The following C1QTNF5 variants were observed in gnomAD, a reference collection of about 807,000 sequenced individuals.
The protein encoded by C1QTNF5 is complement C1q tumor necrosis factor-related protein 5.
In C1QTNF5, 5 loss-of-function variants were observed where a neutral mutation model predicts 10.9. The observed-to-expected ratio is 0.46, with a 90% CI of 0.24 to 0.97. C1QTNF5 has a LOEUF of 0.97. C1QTNF5 is among the 50% of genes least tolerant of loss of function. The pLI is 0.19. For missense variants in C1QTNF5, 281 were observed against 339.4 expected (o/e 0.83, Z 1.35); for synonymous variants, 161 against 156.5 (o/e 1.03, Z -0.22).
rs1950471025 is a variant in C1QTNF5, at chr11:119,339,268, C to T, written c.*63G>A. 1.3e-6 allele frequency: 2 copies of T among 1,559,490 alleles called. No homozygotes were observed. The highest frequency in any genetic ancestry group is 1.7e-6 in the Non-Finnish European group (2 of 1,147,930). On this transcript the variant is annotated 3_prime_UTR_variant, in exon 3 of 3. Coordinates refer to ENST00000528368, the MANE Select transcript of C1QTNF5 (RefSeq NM_001278431.2). This position sits in a 1 kb window ranked among gnomAD's most constrained non-coding sequence, Gnocchi z 5.4. ...AGGGGGGCCAGCCCTCCTGGATGACCTGGTTGTCAGCCTCACACCCTCCTT... is the reference window on the plus strand; with the variant it reads ...AGGGGGGCCAGCCCTCCTGGATGACTTGGTTGTCAGCCTCACACCCTCCTT...
upstream of C1QTNF5, chr11:119,344,555 G>A (rs1950538915): frequency 2.5e-6 from 4 of 1,610,114 alleles, no homozygotes; most frequent in South Asian, 1.1e-5. Context: ...CCGGTTTGAG[G>A]CTGGACCAGA....
At chr11:119,342,910 G>A (rs139684307), upstream of C1QTNF5, 4 of 1,612,906 alleles carry the variant, frequency 2.5e-6, no homozygotes, top group African/African-American at 5.3e-5. Flanking sequence ...TGGCTGAGAA[G>A]CCTCCACTGC....
At chr11:119,342,801 G>T (rs1017825378), upstream of C1QTNF5, 1 of 1,612,968 alleles carries the variant, frequency 6.2e-7, no homozygotes, top group Non-Finnish European at 8.5e-7. Context: ...GTCCTGACCA[G>T]GGTCCAGAGC....
upstream of C1QTNF5, chr11:119,343,106 C>T: frequency 7.1e-7 from 1 of 1,418,154 alleles, no homozygotes; most frequent in Non-Finnish European, 9.6e-7. Context: ...CTGGATGATG[C>T]CAAAGGTGAT....
rs577529070 is a variant in C1QTNF5 at position 119,340,504 on chromosome 11, C to G, written c.-43-64G>C. On this transcript the variant is annotated intron_variant, in intron 1 of 2. Coordinates refer to ENST00000528368, the MANE Select transcript of C1QTNF5 (RefSeq NM_001278431.2). ...CTGGGACCTGCCTCTCTCCCCACCCCGGCGCGGCCCAGTCGGTCCCCACCC... is the reference window on the plus strand; with the variant it reads ...CTGGGACCTGCCTCTCTCCCCACCCGGGCGCGGCCCAGTCGGTCCCCACCC... 1.6e-4 allele frequency: 206 copies of G among 1,261,326 alleles called. 3 individuals carry two copies. In the South Asian group the frequency reaches 2.7e-3, roughly 16 times the overall value. The allele number at this position is 1,261,326 out of a possible 1,614,324, so 78.1% of individuals were successfully genotyped here.
At chr11:119,342,451 T>G, upstream of C1QTNF5, 1 of 1,019,954 alleles carries the variant, frequency 9.8e-7, no homozygotes, top group Non-Finnish European at 1.4e-6. Context: ...CAGGACTCTG[T>G]GAAGTGGTCC....
At chr11:119,345,720 C>A (rs1253226262), upstream of C1QTNF5, 1 of 1,612,902 alleles carries the variant, frequency 6.2e-7, no homozygotes, top group Non-Finnish European at 8.5e-7. Flanking sequence ...TCCCCTCAAC[C>A]CCACCCCGTC....
At position 119,339,841 on chromosome 11, in the gene C1QTNF5, C is replaced by A; in HGVS notation, c.222G>T (p.Pro74=). The change falls in exon 3 of 3, where the codon CCG becomes CCT. Residue 74 remains proline, a synonymous_variant. Transcript: ENST00000528368. This position sits in a 1 kb window ranked among gnomAD's most constrained non-coding sequence, Gnocchi z 5.4. ...EKGEGGRPGL[P]GPRGDPGPRG... is the part of the protein sequence containing the mutation. ...GCGGCCCGGGGTCCCCTCGAGGTCCCGGCAGTCCTGCGGGGTAAGCGGGGC... is the reference window on the plus strand; with the variant it reads ...GCGGCCCGGGGTCCCCTCGAGGTCCAGGCAGTCCTGCGGGGTAAGCGGGGC... The A allele has an allele frequency of 6.7e-7, 1 of 1,492,594 alleles. No homozygotes were observed. The highest frequency in any genetic ancestry group is 8.9e-7 in the Non-Finnish European group (1 of 1,128,690). The allele number at this position is 1,492,594 out of a possible 1,614,324, so 92.5% of individuals were successfully genotyped here.
At chr11:119,343,817 T>C, upstream of C1QTNF5, 1 of 1,613,926 alleles carries the variant, frequency 6.2e-7, no homozygotes, top group Middle Eastern at 1.6e-4. Context: ...CTCCTGTACC[T>C]GCCCAGGAGG....
At chr11:119,342,396 TG>T (rs1177460477), upstream of C1QTNF5, among the ~76,000 whole-genome samples, 1 of 152,158 alleles carries the variant, frequency 6.6e-6, no homozygotes, top group Non-Finnish European at 1.5e-5. Context: ...CCATTTCCCT[TG>T]GGGTGACACT....
At chr11:119,342,107 A>T, upstream of C1QTNF5, 1 of 1,196,400 alleles carries the variant, frequency 8.4e-7, no homozygotes, top group Non-Finnish European at 1.2e-6. Flanking sequence ...GTGAGGAAGC[A>T]AGAGGATAAC....
In C1QTNF5 at chr11:119,339,998, G is replaced by T. The variant is rs1200274955; in HGVS notation, c.215-150C>A. 25 of 1,291,428 alleles carry T rather than the reference G, an allele frequency of 1.9e-5. No individual in the cohort carries two copies. In the East Asian group the frequency reaches 4.5e-4, roughly 23 times the overall value. The allele number at this position is 1,291,428 out of a possible 1,614,324, so 80.0% of individuals were successfully genotyped here. On this transcript the variant is annotated intron_variant, in intron 2 of 2. Transcript: ENST00000528368. The surrounding 1 kb of genome is among the most constrained non-coding windows in gnomAD (Gnocchi z 5.4). Reference sequence around the variant, plus strand: ...ACGGGTACCTCCTCCACCCCTTCCCGCAGGGCAGATCTGGGGGGCTGGCCA... The same window carrying T: ...ACGGGTACCTCCTCCACCCCTTCCCTCAGGGCAGATCTGGGGGGCTGGCCA...
At position 119,339,965 on chromosome 11, in the gene C1QTNF5, C is replaced by T. The variant is rs1950483725; in HGVS notation, c.215-117G>A. 7.4e-7 allele frequency: 1 copy of T among 1,353,594 alleles called. No homozygotes were observed. The highest frequency in any genetic ancestry group is 9.6e-7 in the Non-Finnish European group (1 of 1,038,024). 83.8% of individuals were successfully genotyped at this position (1,353,594 alleles called of 1,614,324 possible). ...CCTGCCTGAGCTTCGGCCAGCGCCT[C>T]CTCCCGCACGGGTACCTCCTCCACC... On this transcript the variant is annotated intron_variant, in intron 2 of 2. Transcript: ENST00000528368. This position sits in a 1 kb window ranked among gnomAD's most constrained non-coding sequence, Gnocchi z 5.4.
chr11:119,345,411 G>A (rs189840088), upstream of C1QTNF5: 6,607 of 1,613,496 alleles, frequency 4.1e-3, 19 homozygotes, highest in Non-Finnish European at 4.4e-3. Context: ...TGGGGACAGA[G>A]GGACCTACCT....
chr11:119,345,955 G>A, the C1QTNF5 span: 61 of 1,613,462 alleles, frequency 3.8e-5, no homozygotes, highest in Non-Finnish European at 4.5e-5. Context: ...GGAGGGTGGC[G>A]TTCAGAGGAG....
upstream of C1QTNF5, chr11:119,341,517 G>A (rs566842182): frequency 4.4e-6 from 7 of 1,579,134 alleles, no homozygotes; most frequent in Admixed American, 6.7e-5. Context: ...AAAGAGGACG[G>A]GCAGGAAGAG....
upstream of C1QTNF5, chr11:119,344,933 T>G: frequency 6.2e-7 from 1 of 1,611,274 alleles, no homozygotes; most frequent in Non-Finnish European, 8.5e-7. Context: ...CACACTGCTG[T>G]CAGAGACGAA....
At chr11:119,340,556 C>G in intron 1 of C1QTNF5, 116 bp from the exon 2 acceptor site, 1 of 744,368 alleles carries the variant, frequency 1.3e-6, no homozygotes. Context: ...AGGCTGAGCG[C>G]TCGCAGGGCC....
chr11:119,343,516 CAAA>C (rs942452965), upstream of C1QTNF5, among the ~76,000 whole-genome samples: 2 of 151,472 alleles, frequency 1.3e-5, no homozygotes, highest in Non-Finnish European at 2.9e-5. Flanking sequence ...CACTCTGCCT[CAAA>C]AAAAGAAGAA....
Sources: allele counts gnomAD v4.1 joint callset (sites outside exome capture counted in the v4.1 genomes callset), GRCh38; gene constraint gnomAD v4.1.1; non-coding constraint Gnocchi (gnomAD v3.1); transcripts MANE v1.5; gene names NCBI Gene and HGNC (gene_info 2026-07-23, HGNC 2026-07-21).